The following SYDE1 variants were observed in gnomAD, a reference collection of about 807,000 sequenced individuals.
The protein encoded by SYDE1 is synapse defective Rho GTPase activating protein 1, also known as rho GTPase-activating protein SYDE1.
SYDE1 carries 34 observed loss-of-function variants against 63.3 expected under a neutral mutation model. The ratio of observed to expected loss-of-function variants is 0.54; its 90% CI spans 0.41 to 0.71. The LOEUF (loss-of-function observed/expected upper bound fraction) is 0.71, where lower values mean the gene tolerates loss of function less well. SYDE1 is among the 30% of genes least tolerant of loss of function. The pLI is 0.00. For missense variants in SYDE1, 925 were observed against 1,042.5 expected (o/e 0.89, Z 1.55); for synonymous variants, 467 against 473.4 (o/e 0.99, Z 0.18).
rs773014575 is a variant in SYDE1, at chr19:15,113,787, G to A, written c.2032G>A (p.Val678Met). The change falls in exon 8 of 8, where the codon GTG becomes ATG. Residue 678 changes from valine (V) to methionine (M), a missense_variant. Physicochemically the swap from Val to Met is conservative, Grantham distance 21. Around this residue, in one of 3 missense-constraint regions of SYDE1, gnomAD observed 255 missense variants for 255.9 expected, o/e 1.00. Transcript: ENST00000342784. ...DFLSGPDYDH[V>M]TGSDSEDEDE... ...CCTGTCCGGGCCAGACTACGACCACGTGACGGGCAGTGACAGCGAGGACGA... is the reference window on the plus strand; with the variant it reads ...CCTGTCCGGGCCAGACTACGACCACATGACGGGCAGTGACAGCGAGGACGA... 5.6e-6 allele frequency: 9 copies of A among 1,614,034 alleles called. No individual in the cohort carries two copies. The highest frequency in any genetic ancestry group is 6.8e-6 in the Non-Finnish European group (8 of 1,180,052).
Position 15,108,907 on chromosome 19 carries a change from C to A in SYDE1, c.89-149C>A. 1 of 1,304,594 alleles carries A rather than the reference C, an allele frequency of 7.7e-7. No homozygotes were observed. Among genetic ancestry groups the A allele is most frequent in the Non-Finnish European group, 1.0e-6 (1 of 1,000,254 alleles). 80.8% of individuals were successfully genotyped at this position (1,304,594 alleles called of 1,614,324 possible). On this transcript the variant is annotated intron_variant, in intron 1 of 7. Transcript: ENST00000342784. This position sits in a 1 kb window ranked among gnomAD's most constrained non-coding sequence, Gnocchi z 4.3. ...GATCGCTAGCCTGTGGCTGCCTATT[C>A]CAAACAAAACAGCAGGATCCAAGGA...
In SYDE1 at chr19:15,109,932, G is replaced by C. The variant is rs1439137247; in HGVS notation, c.659G>C (p.Gly220Ala). Residue 220 changes from glycine to alanine, a missense_variant, in exon 3 of 8, where the codon GGG becomes GCG. This residue lies in a region of SYDE1 where 599 missense variants were observed against 653.7 expected (regional missense o/e 0.92). Coordinates refer to ENST00000342784, the MANE Select transcript of SYDE1 (RefSeq NM_033025.6). This position sits in a 1 kb window ranked among gnomAD's most constrained non-coding sequence, Gnocchi z 5.0. ...GGCCCCGGGCCGGCAGCAGGGCCTGGGGGCACCCGGAGCCCGAGGGCCGGT... is the reference window on the plus strand; with the variant it reads ...GGCCCCGGGCCGGCAGCAGGGCCTGCGGGCACCCGGAGCCCGAGGGCCGGT... ...VGGPGPAAGPGGTRSPRAGYL... is the reference protein window; with the variant it reads ...VGGPGPAAGPAGTRSPRAGYL... The C allele has an allele frequency of 5.5e-6, 8 of 1,460,556 alleles. No homozygotes were observed. The Middle Eastern group carries it at 1.4e-3, about 256-fold the overall frequency. The allele number at this position is 1,460,556 out of a possible 1,614,324, so 90.5% of individuals were successfully genotyped here.
chr19:15,111,614 G>A lies in SYDE1; in HGVS notation c.1418-18G>A, dbSNP rs1198591882. The stretch of plus-strand genomic sequence containing the variant: ...GAAGCCAGTGGTGCCCTGACCAGAG[G>A]GGACCCTGTGTTCACAGGCATCCTC... On this transcript the variant is annotated intron_variant, in intron 5 of 7. Transcript: ENST00000342784. The surrounding 1 kb of genome is among the most constrained non-coding windows in gnomAD (Gnocchi z 5.5). The A allele has an allele frequency of 6.2e-7, 1 of 1,613,484 alleles. No homozygotes were observed. The highest frequency in any genetic ancestry group is 8.5e-7 in the Non-Finnish European group (1 of 1,179,900).
At position 15,114,257 on chromosome 19, in the gene SYDE1, G is replaced by C. The variant is rs1053733549; in HGVS notation, c.*294G>C. 7.5e-6 allele frequency: 3 copies of C among 400,214 alleles called. No homozygotes were observed. Among genetic ancestry groups the C allele is most frequent in the Admixed American group, 8.5e-5 (2 of 23,578 alleles). 24.8% of individuals were successfully genotyped at this position (400,214 alleles called of 1,614,324 possible). ...TTTTGTTGCCAAAAAGGTAGTTCTC[G>C]CGCTTGCTAGGCTGGCCTCTCTTGC... On this transcript the variant is annotated 3_prime_UTR_variant, in exon 8 of 8. Transcript: ENST00000342784.
In SYDE1 at chr19:15,109,907, G is replaced by A; in HGVS notation, c.634G>A (p.Gly212Ser). Residue 212 changes from glycine (G) to serine (S), a missense_variant, in exon 3 of 8, where the codon GGC (glycine) becomes AGC (serine). Coordinates refer to ENST00000342784, the MANE Select transcript of SYDE1 (RefSeq NM_033025.6). This position sits in a 1 kb window ranked among gnomAD's most constrained non-coding sequence, Gnocchi z 5.0. ...SRYHLDSSVG[G>S]PGPAAGPGGT... ...CTACCACCTGGACAGCAGCGTGGGG[G>A]GCCCCGGGCCGGCAGCAGGGCCTGG... The A allele has an allele frequency of 6.8e-7, 1 of 1,467,868 alleles. No individual in the cohort carries two copies. Among genetic ancestry groups the A allele is most frequent in the Non-Finnish European group, 9.0e-7 (1 of 1,116,032 alleles). The allele number at this position is 1,467,868 out of a possible 1,614,324, so 90.9% of individuals were successfully genotyped here.
In SYDE1 at chr19:15,109,852, G is replaced by A. The variant is rs1228713474; in HGVS notation, c.579G>A (p.Arg193=). 2 of 1,529,724 alleles carry A rather than the reference G, an allele frequency of 1.3e-6. No individual in the cohort carries two copies. The highest frequency in any genetic ancestry group is 1.4e-5 in the African/African-American group (1 of 72,562). The allele number at this position is 1,529,724 out of a possible 1,614,324, so 94.8% of individuals were successfully genotyped here. A position where few individuals can be genotyped will look rare whatever the true frequency, so the allele number is the denominator to read the frequency against. The change falls in exon 3 of 8, where the codon AGG becomes AGA. Residue 193 remains arginine, a synonymous_variant. Coordinates refer to ENST00000342784, the MANE Select transcript of SYDE1 (RefSeq NM_033025.6). This position sits in a 1 kb window ranked among gnomAD's most constrained non-coding sequence, Gnocchi z 5.0. The stretch of plus-strand genomic sequence containing the variant: ...CCCGGGCTGGCAGGGAGCGCGAGAG[G>A]GCTGCCCCTGCGGGCTCCGTCATCA... The part of the protein sequence containing the change: ...RGPRAGRERE[R]AAPAGSVISR...
rs1451802294 is a variant in SYDE1, at chr19:15,109,650, ACC to A, written c.431-49_431-48del. 2 of 1,067,608 alleles carry A rather than the reference ACC, an allele frequency of 1.9e-6. No homozygotes were observed. Among genetic ancestry groups the A allele is most frequent in the Non-Finnish European group, 2.6e-6 (2 of 765,548 alleles). The allele number at this position is 1,067,608 out of a possible 1,614,324, so 66.1% of individuals were successfully genotyped here. A position where few individuals can be genotyped will look rare whatever the true frequency, so the allele number is the denominator to read the frequency against. On this transcript the variant is annotated intron_variant, in intron 2 of 7. Transcript: ENST00000342784. The surrounding 1 kb of genome is among the most constrained non-coding windows in gnomAD (Gnocchi z 5.0). ...TTCCCTTCAGGGGAGCACCAGCCTC[ACC>A]CCCCTCCCCTAAGCCCAGGTTCCTG...
At position 15,108,564 on chromosome 19, in the gene SYDE1, C is replaced by T. The variant is rs1487144098; in HGVS notation, c.89-492C>T. Among the ~76,000 whole-genome samples, 1 of 152,106 alleles carries T rather than the reference C, an allele frequency of 6.6e-6. No individual in the cohort carries two copies. The highest frequency in any genetic ancestry group is 1.5e-5 in the Non-Finnish European group (1 of 68,010). ...GCTGCAGGGAATAGAAAACCCAGCT[C>T]CTCACTCCTGAGCACGTAGTGCCTG... On this transcript the variant is annotated intron_variant, in intron 1 of 7. Coordinates refer to ENST00000342784, the MANE Select transcript of SYDE1 (RefSeq NM_033025.6). This position sits in a 1 kb window ranked among gnomAD's most constrained non-coding sequence, Gnocchi z 4.3.
At chr19:15,112,936 G>T (rs1847700266) in intron 7 of SYDE1, among the ~76,000 whole-genome samples, 1 of 151,910 alleles carries the variant, frequency 6.6e-6, no homozygotes, top group Non-Finnish European at 1.5e-5. Context: ...ATGGAGTCTT[G>T]CTCTCTAGCC....
chr19:15,114,351 G>T lies in SYDE1; in HGVS notation c.*388G>T. On this transcript the variant is annotated 3_prime_UTR_variant, in exon 8 of 8. Coordinates refer to ENST00000342784, the MANE Select transcript of SYDE1 (RefSeq NM_033025.6). ...TGGTGTGGTGAGTCACCTCTAGTCG[G>T]CCCTCTTGCTGCTGCCAACCAAATC... is the stretch of plus-strand genomic sequence containing the variant. 1 of 219,486 alleles carries T rather than the reference G, an allele frequency of 4.6e-6. No individual in the cohort carries two copies. Among genetic ancestry groups the T allele is most frequent in the Non-Finnish European group, 9.1e-6 (1 of 110,410 alleles). The allele number at this position is 219,486 out of a possible 1,614,324, so 13.6% of individuals were successfully genotyped here. A position where few individuals can be genotyped will look rare whatever the true frequency, so the allele number is the denominator to read the frequency against.
At position 15,113,803 on chromosome 19, in the gene SYDE1, G is replaced by C; in HGVS notation, c.2048G>C (p.Ser683Thr). 2 of 1,614,154 alleles carry C rather than the reference G, an allele frequency of 1.2e-6. No individual in the cohort carries two copies. Among genetic ancestry groups the C allele is most frequent in the South Asian group, 2.2e-5 (2 of 91,084 alleles). The change falls in exon 8 of 8, where the codon AGC (serine) becomes ACC (threonine). Residue 683 changes from serine to threonine, a missense_variant. Around this residue, in one of 3 missense-constraint regions of SYDE1, gnomAD observed 255 missense variants for 255.9 expected, o/e 1.00. Coordinates refer to ENST00000342784, the MANE Select transcript of SYDE1 (RefSeq NM_033025.6). ...PDYDHVTGSD[S>T]EDEDEEVGEP... Reference sequence around the variant, plus strand: ...TACGACCACGTGACGGGCAGTGACAGCGAGGACGAGGACGAGGAGGTCGGC... The same window carrying C: ...TACGACCACGTGACGGGCAGTGACACCGAGGACGAGGACGAGGAGGTCGGC...
Position 15,110,722 on chromosome 19 carries a change from G to A in SYDE1, c.1277G>A (p.Arg426His), listed in dbSNP as rs752009934. 32 of 1,556,334 alleles carry A rather than the reference G, an allele frequency of 2.1e-5. No individual in the cohort carries two copies. Among genetic ancestry groups the A allele is most frequent in the Middle Eastern group, 1.8e-4 (1 of 5,594 alleles). Residue 426 changes from arginine (R) to histidine (H), a missense_variant, in exon 4 of 8, where the codon CGC (arginine) becomes CAC (histidine). Arg to His is a conservative substitution (Grantham distance 29). Coordinates refer to ENST00000342784, the MANE Select transcript of SYDE1 (RefSeq NM_033025.6). The surrounding 1 kb of genome is among the most constrained non-coding windows in gnomAD (Gnocchi z 6.9). ...CAGAAGTGCGTTGGGCAGATCGAGC[G>A]CCGAGGGCTGCGGGTGAGCACCCAC... ...IIQKCVGQIE[R>H]RGLRVVGLYR...
chr19:15,111,246 C>T lies in SYDE1; in HGVS notation c.1291-67C>T. 6.4e-7 allele frequency: 1 copy of T among 1,572,842 alleles called. No homozygotes were observed. The highest frequency in any genetic ancestry group is 8.7e-7 in the Non-Finnish European group (1 of 1,148,256). On this transcript the variant is annotated intron_variant, in intron 4 of 7. Transcript: ENST00000342784. This position sits in a 1 kb window ranked among gnomAD's most constrained non-coding sequence, Gnocchi z 5.5. ...GCCTGGCCCAGAATTCCAGTGCTCA[C>T]CCCACTGGGCCCTGATTAGTCTGTG...
chr19:15,114,037 A>G lies in SYDE1; in HGVS notation c.*74A>G. ...GGCTAAGGCGGTGCCCTGGTGACCA[A>G]GGAGAGCCAGACCTGTTGCTCAGGC... On this transcript the variant is annotated 3_prime_UTR_variant, in exon 8 of 8. Coordinates refer to ENST00000342784, the MANE Select transcript of SYDE1 (RefSeq NM_033025.6). 3 of 1,460,436 alleles carry G rather than the reference A, an allele frequency of 2.1e-6. No homozygotes were observed. The highest frequency in any genetic ancestry group is 1.9e-6 in the Non-Finnish European group (2 of 1,076,412). The allele number at this position is 1,460,436 out of a possible 1,614,324, so 90.5% of individuals were successfully genotyped here. A position where few individuals can be genotyped will look rare whatever the true frequency, so the allele number is the denominator to read the frequency against.
In SYDE1 at chr19:15,111,864, T is replaced by G; in HGVS notation, c.1578+72T>G. ...ACCAATAGAATGTTTCACCCATGCC[T>G]GGGCCTGAGATGGGCATGAGCTGGC... is the stretch of plus-strand genomic sequence containing the variant. On this transcript the variant is annotated intron_variant, in intron 6 of 7. Transcript: ENST00000342784. This position sits in a 1 kb window ranked among gnomAD's most constrained non-coding sequence, Gnocchi z 5.5. 7.0e-7 allele frequency: 1 copy of G among 1,438,094 alleles called. No homozygotes were observed. 89.1% of individuals were successfully genotyped at this position (1,438,094 alleles called of 1,614,324 possible).
Position 15,107,538 on chromosome 19 carries a change from G to A in SYDE1, c.88+17G>A, listed in dbSNP as rs1350730954. 4.6e-6 allele frequency: 7 copies of A among 1,530,034 alleles called. No individual in the cohort carries two copies. In the South Asian group the frequency reaches 8.4e-5, roughly 18 times the overall value. 94.8% of individuals were successfully genotyped at this position (1,530,034 alleles called of 1,614,324 possible). Reference sequence around the variant, plus strand: ...AGGAGCGCGGTAAGCGGAGATCGGTGGGGAACAGGGGGCGCCGAGCCCCAC... The same window carrying A: ...AGGAGCGCGGTAAGCGGAGATCGGTAGGGAACAGGGGGCGCCGAGCCCCAC... On this transcript the variant is annotated intron_variant, in intron 1 of 7. Transcript: ENST00000342784.
chr19:15,113,140 G>A (rs2046356393), intron 7 of SYDE1, among the ~76,000 whole-genome samples: 1 of 152,152 alleles, frequency 6.6e-6, no homozygotes. Flanking sequence ...CTGACCTCAA[G>A]TGATCCACCC....
chr19:15,110,122 G>T lies in SYDE1; in HGVS notation c.849G>T (p.Gly283=), dbSNP rs772666009. 6.0e-5 allele frequency: 84 copies of T among 1,406,888 alleles called. No individual in the cohort carries two copies. Among genetic ancestry groups the T allele is most frequent in the Non-Finnish European group, 7.5e-5 (82 of 1,087,312 alleles). 87.2% of individuals were successfully genotyped at this position (1,406,888 alleles called of 1,614,324 possible). A position where few individuals can be genotyped will look rare whatever the true frequency, so the allele number is the denominator to read the frequency against. ...TCGGGGGGCTGCGGCCAGCGCCGGG[G>T]GCCACCCCCAGGGACCTCTGCTGCC... ...YGLGGLRPAP[G]ATPRDLCCLL... is the part of the protein sequence containing the mutation. Residue 283 remains glycine, a synonymous_variant, in exon 3 of 8, where the codon GGG becomes GGT. Transcript: ENST00000342784. This position sits in a 1 kb window ranked among gnomAD's most constrained non-coding sequence, Gnocchi z 6.9.
In SYDE1 at chr19:15,114,030, G is replaced by C; in HGVS notation, c.*67G>C. 4 of 1,501,202 alleles carry C rather than the reference G, an allele frequency of 2.7e-6. No individual in the cohort carries two copies. Among genetic ancestry groups the C allele is most frequent in the Non-Finnish European group, 3.6e-6 (4 of 1,110,516 alleles). 93.0% of individuals were successfully genotyped at this position (1,501,202 alleles called of 1,614,324 possible). On this transcript the variant is annotated 3_prime_UTR_variant, in exon 8 of 8. Coordinates refer to ENST00000342784, the MANE Select transcript of SYDE1 (RefSeq NM_033025.6). The stretch of plus-strand genomic sequence containing the variant: ...GCCCAGTGGCTAAGGCGGTGCCCTG[G>C]TGACCAAGGAGAGCCAGACCTGTTG...
Sources: allele counts gnomAD v4.1 joint callset (sites outside exome capture counted in the v4.1 genomes callset), GRCh38; gene constraint gnomAD v4.1.1; regional missense constraint gnomAD v4.1.1; non-coding constraint Gnocchi (gnomAD v3.1); transcripts MANE v1.5; gene names NCBI Gene and HGNC (gene_info 2026-07-23, HGNC 2026-07-21).